CRYBG1: variants seen among roughly 807,000 people sequenced by gnomAD.
CRYBG1 encodes the protein beta/gamma crystallin domain-containing protein 1.
Under a neutral mutation model 189.2 loss-of-function variants are expected in CRYBG1, and 139 were observed. That is an observed-to-expected ratio of 0.73 (90% confidence interval 0.64 to 0.85). The LOEUF is 0.85. CRYBG1 is among the 40% of genes least tolerant of loss of function. CRYBG1 has a pLI of 0.00. For synonymous variants in CRYBG1, 1,023 were observed against 1,017.1 expected, an observed-to-expected ratio of 1.01 and a Z score of -0.11; for missense variants, 2,611 against 2,675.8, an observed-to-expected ratio of 0.98 and a Z score of 0.53.
chr6:106,415,938 T>C (rs1231680011), intron 1 of CRYBG1, among the ~76,000 whole-genome samples: 1 of 152,104 alleles, frequency 6.6e-6, no homozygotes, highest in Non-Finnish European at 1.5e-5. Flanking sequence ...CCCATTCCTC[T>C]TTTTTAGTGC....
intron 1 of CRYBG1, among the ~76,000 whole-genome samples, chr6:106,431,180 G>A (rs1771319078): frequency 6.6e-6 from 1 of 152,052 alleles, no homozygotes; most frequent in African/African-American, 2.4e-5. Flanking sequence ...GTCTTTGGAG[G>A]CAAGTTACCA....
intron 9 of CRYBG1, 128 bp downstream of exon 9, chr6:106,539,657 G>GA: frequency 1.0e-6 from 1 of 959,098 alleles, no homozygotes; most frequent in East Asian, 2.9e-5. Context: ...TGGACCTATT[G>GA]CTCAATAGAA....
chr6:106,419,231 T>C (rs1301696662), intron 1 of CRYBG1, among the ~76,000 whole-genome samples: 1 of 152,216 alleles, frequency 6.6e-6, no homozygotes, highest in Admixed American at 6.5e-5. Context: ...TGCTCTTTGT[T>C]AGAAAAGAAA....
chr6:106,547,187 G>GAC (rs113926303), intron 13 of CRYBG1, among the ~76,000 whole-genome samples: 2,829 of 50,648 alleles, frequency 0.056, 88 homozygotes, highest in African/African-American at 0.1. Flanking sequence ...CACATACGTG[G>GAC]ACACACACAC....
chr6:106,454,669 G>A (rs7747232), intron 2 of CRYBG1, among the ~76,000 whole-genome samples: 88,602 of 152,122 alleles, frequency 0.58, 27,007 homozygotes, highest in African/African-American at 0.78. Flanking sequence ...ATTATAGCTA[G>A]GCAATTTACA....
intron 1 of CRYBG1, among the ~76,000 whole-genome samples, chr6:106,445,418 T>C (rs927014): frequency 0.33 from 50,070 of 152,030 alleles, 8,623 homozygotes; most frequent in Middle Eastern, 0.47. Flanking sequence ...AAAAATGGTA[T>C]GGTTGGGTCA....
At position 106,512,005 on chromosome 6, in the gene CRYBG1, G is replaced by T. The variant is rs1330531481; in HGVS notation, c.888G>T (p.Ala296=). Residue 296 remains alanine, a synonymous_variant, in exon 3 of 22, where the codon GCG becomes GCT. Coordinates refer to ENST00000633556, the MANE Select transcript of CRYBG1 (RefSeq NM_001371242.2). ...EQEAFLGVRG[A]PGSPTQERPA... ...AGGCTTTCCTGGGTGTGAGGGGTGC[G>T]CCAGGGTCGCCCACCCAGGAGCGGC... 2.0e-6 allele frequency: 3 copies of T among 1,529,840 alleles called. No individual in the cohort carries two copies. The highest frequency in any genetic ancestry group is 2.0e-5 in the Admixed American group (1 of 50,370). The allele number at this position is 1,529,840 out of a possible 1,614,324, so 94.8% of individuals were successfully genotyped here. A position where few individuals can be genotyped will look rare whatever the true frequency, so the allele number is the denominator to read the frequency against.
rs546028073 is a variant in CRYBG1, at chr6:106,378,179, C to T, written c.173+17098C>T. 2.2e-4 allele frequency among the ~76,000 whole-genome samples: 34 copies of T among 152,296 alleles called. No homozygotes were observed. In the East Asian group the frequency reaches 6.6e-3, roughly 29 times the overall value. On this transcript the variant is annotated intron_variant, in intron 1 of 21. Transcript: ENST00000633556. ...TTCTGGAAGCCTTGAGCATTCTTTT[C>T]CCTCTTCCTGTGGTCTTCCCACAGG...
At position 106,571,740 on chromosome 6, in the gene CRYBG1, C is replaced by T; in HGVS notation, c.*3174C>T. On this transcript the variant is annotated 3_prime_UTR_variant, in exon 22 of 22. Coordinates refer to ENST00000633556, the MANE Select transcript of CRYBG1 (RefSeq NM_001371242.2). ...GTTTAAGCTAGTAAAACAGAAGGTG[C>T]CACAACAACCTGCAAAGCCAGTGTG... 1 of 397,786 alleles carries T rather than the reference C, an allele frequency of 2.5e-6. No homozygotes were observed. The highest frequency in any genetic ancestry group is 4.6e-6 in the Non-Finnish European group (1 of 218,182). The allele number at this position is 397,786 out of a possible 1,614,324, so 24.6% of individuals were successfully genotyped here. A position where few individuals can be genotyped will look rare whatever the true frequency, so the allele number is the denominator to read the frequency against.
At chr6:106,415,327 A>G (rs1771001486) in intron 1 of CRYBG1, among the ~76,000 whole-genome samples, 1 of 152,200 alleles carries the variant, frequency 6.6e-6, no homozygotes, top group South Asian at 2.1e-4. Flanking sequence ...AAGTCTGTTT[A>G]TATAAAAGTA....
In CRYBG1 at chr6:106,381,624, T is replaced by C. The variant is rs148038635; in HGVS notation, c.173+20543T>C. Among the ~76,000 whole-genome samples, 435 of 152,308 alleles carry C rather than the reference T, an allele frequency of 2.9e-3. 3 individuals carry two copies. The highest frequency in any genetic ancestry group is 9.6e-3 in the African/African-American group (400 of 41,566). ...GAAATTATAATGCCAGTTTCCACTG[T>C]TGGTAAATAGAGGTTGATCCTCTTG... is the stretch of plus-strand genomic sequence containing the variant. On this transcript the variant is annotated intron_variant, in intron 1 of 21. Transcript: ENST00000633556.
intron 13 of CRYBG1, 114 bp downstream of exon 13, chr6:106,545,047 T>A: frequency 4.8e-6 from 4 of 828,604 alleles, no homozygotes; most frequent in Non-Finnish European, 7.3e-6. Flanking sequence ...CTCAACAGCT[T>A]AACATTAAAT....
intron 1 of CRYBG1, among the ~76,000 whole-genome samples, chr6:106,420,247 G>A (rs1771098068): frequency 6.6e-6 from 1 of 152,156 alleles, no homozygotes; most frequent in South Asian, 2.1e-4. Context: ...TCTAAACGGG[G>A]CTTTGGGAAC....
intron 21 of CRYBG1, among the ~76,000 whole-genome samples, 200 bp downstream of exon 21, chr6:106,564,126 C>T (rs950544676): frequency 6.6e-6 from 1 of 152,136 alleles, no homozygotes; most frequent in Admixed American, 6.5e-5. Context: ...ATGAGGCCTA[C>T]ATTATCCCCT....
chr6:106,535,591 CCAT>C (rs1773986276), intron 8 of CRYBG1, among the ~76,000 whole-genome samples: 1 of 152,144 alleles, frequency 6.6e-6, no homozygotes, highest in Non-Finnish European at 1.5e-5. Flanking sequence ...GTTCAATAGT[CCAT>C]CACCAAATTT....
intron 1 of CRYBG1, among the ~76,000 whole-genome samples, chr6:106,398,398 C>G (rs563686756): frequency 6.6e-6 from 1 of 151,996 alleles, no homozygotes; most frequent in Non-Finnish European, 1.5e-5. Context: ...GGGCTGAGAT[C>G]GTGCTACTGT....
At chr6:106,529,241 C>T (rs781258340) in intron 7 of CRYBG1, among the ~76,000 whole-genome samples, 5 of 152,104 alleles carry the variant, frequency 3.3e-5, no homozygotes, top group East Asian at 1.9e-4. Context: ...CCACTGTGCC[C>T]GGCCAGTAAT....
At chr6:106,469,994 T>C (rs1471143232) in intron 2 of CRYBG1, among the ~76,000 whole-genome samples, 1 of 152,126 alleles carries the variant, frequency 6.6e-6, no homozygotes, top group Non-Finnish European at 1.5e-5. Context: ...GGGAGTGCAG[T>C]GTCTCTGCTG....
At chr6:106,427,130 C>G (rs1771241784) in intron 1 of CRYBG1, among the ~76,000 whole-genome samples, 1 of 152,106 alleles carries the variant, frequency 6.6e-6, no homozygotes, top group Admixed American at 6.5e-5. Flanking sequence ...GCTCCTTTCT[C>G]TCTGCATTTA....
Sources: gnomAD v4.1 joint callset for allele counts (sites outside exome capture counted in the v4.1 genomes callset) on GRCh38, gnomAD v4.1.1 for gene constraint, MANE v1.5 for transcripts, NCBI Gene and HGNC (gene_info 2026-07-23, HGNC 2026-07-21) for gene names.